Variants in PTPRN2 observed in about 807,000 individuals in gnomAD.
PTPRN2 encodes the protein protein tyrosine phosphatase receptor type N2, also known as receptor-type tyrosine-protein phosphatase N2.
A neutral mutation model predicts 118.8 loss-of-function variants in PTPRN2; 74 were observed. The ratio of observed to expected loss-of-function variants is 0.62; its 90% CI spans 0.52 to 0.76. PTPRN2 has a LOEUF of 0.76. PTPRN2 is among the 30% of genes least tolerant of loss of function. The pLI, the probability that PTPRN2 is intolerant of heterozygous loss-of-function variation, is 0.00. For synonymous variants in PTPRN2, 641 were observed against 608.0 expected, an observed-to-expected ratio of 1.05 and a Z score of -0.80; for missense variants, 1,481 against 1,394.4, an observed-to-expected ratio of 1.06 and a Z score of -0.99.
intron 3 of PTPRN2, among the ~76,000 whole-genome samples, chr7:158,252,333 T>A (rs1796738843): frequency 6.6e-6 from 1 of 152,080 alleles, no homozygotes; most frequent in Admixed American, 6.6e-5. Flanking sequence ...AATGGAATCA[T>A]CCCCGTGCCC....
At chr7:158,229,498 T>C (rs1829030704) in intron 3 of PTPRN2, among the ~76,000 whole-genome samples, 3 of 151,976 alleles carry the variant, frequency 2.0e-5, no homozygotes, top group Admixed American at 2.0e-4. Flanking sequence ...ATTTCCAAGA[T>C]AACACAGAAA....
At chr7:157,644,399 C>A (rs1244267665) in intron 14 of PTPRN2, among the ~76,000 whole-genome samples, 1 of 152,318 alleles carries the variant, frequency 6.6e-6, no homozygotes, top group Middle Eastern at 3.4e-3. Flanking sequence ...TGAGGGATGT[C>A]GTCACGGCAG....
chr7:158,376,838 C>G (rs1205616180), intron 2 of PTPRN2, among the ~76,000 whole-genome samples: 23 of 84,044 alleles, frequency 2.7e-4, no homozygotes, highest in African/African-American at 1.1e-3. Context: ...ACATCCTGCA[C>G]GCGGGGTCAG....
rs1814370193 is a variant in PTPRN2 at position 158,093,346 on chromosome 7, G to A, written c.1644-11969C>T. ...ACCGTCCTTTCCTGACTCTGCCGCT[G>A]GACCGACCCCCACACTGTGGACCCA... On this transcript the variant is annotated intron_variant, in intron 10 of 22. Coordinates refer to ENST00000389418, the MANE Select transcript of PTPRN2 (RefSeq NM_002847.5). The surrounding 1 kb of genome is among the most constrained non-coding windows in gnomAD (Gnocchi z 4.4). Among the ~76,000 whole-genome samples the A allele has an allele frequency of 6.6e-6, 1 of 151,020 alleles. No individual in the cohort carries two copies. Among genetic ancestry groups the A allele is most frequent in the Non-Finnish European group, 1.5e-5 (1 of 67,854 alleles).
intron 5 of PTPRN2, among the ~76,000 whole-genome samples, chr7:158,179,877 A>G (rs1384921620): frequency 1.3e-5 from 2 of 152,226 alleles, no homozygotes; most frequent in Non-Finnish European, 2.9e-5. Flanking sequence ...CCCAAAAGTT[A>G]CTACCCCTTC....
chr7:158,319,051 T>A (rs1348843884), intron 2 of PTPRN2, among the ~76,000 whole-genome samples: 2 of 152,238 alleles, frequency 1.3e-5, no homozygotes, highest in African/African-American at 4.8e-5. Context: ...TAAATTTTGT[T>A]TCTTGCATAC....
chr7:158,033,968 C>T (rs1170207108), intron 11 of PTPRN2, among the ~76,000 whole-genome samples: 1 of 151,618 alleles, frequency 6.6e-6, no homozygotes, highest in Non-Finnish European at 1.5e-5. Flanking sequence ...GCTGGCTGCA[C>T]ACTGAGACCT....
At chr7:158,064,476 G>C (rs1225672718) in intron 11 of PTPRN2, among the ~76,000 whole-genome samples, 1 of 152,088 alleles carries the variant, frequency 6.6e-6, no homozygotes. Flanking sequence ...AGCCTGGGGA[G>C]CCCAGCGCTG....
intron 16 of PTPRN2, among the ~76,000 whole-genome samples, chr7:157,600,430 G>GT (rs969287493): frequency 6.6e-5 from 10 of 152,072 alleles, no homozygotes; most frequent in East Asian, 1.9e-4. Context: ...AGATTGACTT[G>GT]TTTTTTTTGA....
At chr7:158,407,012 G>T (rs185668935) in intron 2 of PTPRN2, among the ~76,000 whole-genome samples, 15 of 152,202 alleles carry the variant, frequency 9.9e-5, no homozygotes, top group African/African-American at 3.4e-4. Flanking sequence ...AAGGCTGAGC[G>T]TGCTCAGGCT....
intron 11 of PTPRN2, among the ~76,000 whole-genome samples, chr7:158,036,748 T>C (rs1166220391): frequency 1.3e-5 from 2 of 152,216 alleles, no homozygotes. Flanking sequence ...GAATAAAGCA[T>C]CCTTAACCCA....
chr7:158,023,814 A>T (rs1355640605), intron 11 of PTPRN2, among the ~76,000 whole-genome samples: 2 of 151,960 alleles, frequency 1.3e-5, no homozygotes, highest in Non-Finnish European at 2.9e-5. Flanking sequence ...AGGCACACAC[A>T]AGCAGGCACA....
chr7:158,354,957 C>T (rs1362349559), intron 2 of PTPRN2, among the ~76,000 whole-genome samples: 1 of 151,616 alleles, frequency 6.6e-6, no homozygotes, highest in Non-Finnish European at 1.5e-5. Flanking sequence ...ATTTGTTTGT[C>T]AACAGACATC....
At chr7:158,342,742 A>G (rs1807144941) in intron 2 of PTPRN2, among the ~76,000 whole-genome samples, 1 of 152,142 alleles carries the variant, frequency 6.6e-6, no homozygotes, top group Non-Finnish European at 1.5e-5. Context: ...GCCTTGCTGG[A>G]GCCCATAGAG....
At chr7:158,545,870 G>A (rs1459524622) in intron 1 of PTPRN2, among the ~76,000 whole-genome samples, 20 of 152,126 alleles carry the variant, frequency 1.3e-4, no homozygotes, top group Admixed American at 3.9e-4. Flanking sequence ...GCGGTGGCAC[G>A]CGCCTGTAGT....
chr7:158,390,278 G>C (rs1811824049), intron 2 of PTPRN2, among the ~76,000 whole-genome samples: 1 of 152,210 alleles, frequency 6.6e-6, no homozygotes, highest in African/African-American at 2.4e-5. Flanking sequence ...CTTGCAGCCA[G>C]GGGCAGCCGG....
chr7:157,599,700 G>A (rs1436841561), intron 16 of PTPRN2, among the ~76,000 whole-genome samples: 1 of 152,234 alleles, frequency 6.6e-6, no homozygotes, highest in Non-Finnish European at 1.5e-5. Flanking sequence ...TCCCAAACCA[G>A]CCCCGGCCTC....
chr7:158,417,922 G>A lies in PTPRN2; in HGVS notation c.163+71813C>T, dbSNP rs528810197. Among the ~76,000 whole-genome samples the A allele has an allele frequency of 1.2e-4, 18 of 146,692 alleles. No homozygotes were observed. In the East Asian group the frequency reaches 1.5e-3, roughly 12 times the overall value. ...CTACATCGAGATGCTCTAGCTCTCCGTGTCCCACTGTGTTAAGTCATGGTG... is the reference window on the plus strand; with the variant it reads ...CTACATCGAGATGCTCTAGCTCTCCATGTCCCACTGTGTTAAGTCATGGTG... On this transcript the variant is annotated intron_variant, in intron 2 of 22. Coordinates refer to ENST00000389418, the MANE Select transcript of PTPRN2 (RefSeq NM_002847.5).
At chr7:158,081,955 C>T (rs952722020) in intron 10 of PTPRN2, among the ~76,000 whole-genome samples, 3 of 152,236 alleles carry the variant, frequency 2.0e-5, no homozygotes, top group Admixed American at 6.5e-5. Flanking sequence ...TTTAATTCAT[C>T]TGAAGACCCC....
Sources: gnomAD v4.1 joint callset for allele counts (sites outside exome capture counted in the v4.1 genomes callset) on GRCh38, gnomAD v4.1.1 for gene constraint, Gnocchi (gnomAD v3.1) non-coding constraint, MANE v1.5 for transcripts, NCBI Gene and HGNC (gene_info 2026-07-23, HGNC 2026-07-21) for gene names.